MOGAT3: variants seen among roughly 807,000 people sequenced by gnomAD.
MOGAT3 encodes monoacylglycerol O-acyltransferase 3, also known as 2-acylglycerol O-acyltransferase 3.
Under a neutral mutation model 34.4 loss-of-function variants are expected in MOGAT3, and 39 were observed. The ratio of observed to expected loss-of-function variants is 1.13; its 90% CI spans 0.88 to 1.48. The LOEUF is 1.48. MOGAT3 is among the 40% of genes most tolerant of loss of function. The pLI is 0.00. For missense variants in MOGAT3, 439 were observed against 438.9 expected, an observed-to-expected ratio of 1.00 and a Z score of 0.00; for synonymous variants, 209 against 179.2, an observed-to-expected ratio of 1.17 and a Z score of -1.33.
chr7:101,193,317 G>A (rs1326482321), downstream of MOGAT3, among the ~76,000 whole-genome samples: 1 of 152,170 alleles, frequency 6.6e-6, no homozygotes, highest in African/African-American at 2.4e-5. Context: ...TGACTGGTTG[G>A]ATGCTCCCAC....
Position 101,198,202 on chromosome 7 carries a change from C to A in MOGAT3, c.657G>T (p.Ala219=), listed in dbSNP as rs768927292. The change falls in exon 5 of 7, where the codon GCG becomes GCT. Residue 219 remains alanine (A), a synonymous_variant. Coordinates refer to ENST00000223114, the MANE Select transcript of MOGAT3 (RefSeq NM_178176.4). ...GCACGCGCACTCACCCGTGCCTCAG[C>A]GCCAGGCGCACGAAGCCTTTGCGCT... The part of the protein sequence containing the change: ...LQKRKGFVRL[A]LRHGASLVPV... The A allele has an allele frequency of 2.9e-5, 46 of 1,612,512 alleles. No homozygotes were observed. In the South Asian group the frequency reaches 4.7e-4, roughly 17 times the overall value.
rs753286081 is a variant in MOGAT3, at chr7:101,196,222, C to A, written c.836G>T (p.Gly279Val). 2.5e-6 allele frequency: 4 copies of A among 1,587,250 alleles called. No homozygotes were observed. The highest frequency in any genetic ancestry group is 2.3e-5 in the East Asian group (1 of 43,746). The change falls in exon 6 of 7, where the codon GGC (glycine) becomes GTC (valine). Residue 279 changes from glycine to valine, a missense_variant. Coordinates refer to ENST00000223114, the MANE Select transcript of MOGAT3 (RefSeq NM_178176.4). Reference sequence around the variant, plus strand: ...GATGGGCACAGCAAAGGGCAGCAGGCCCCAGGAGGTGGCTGAGAAGAGACC... The same window carrying A: ...GATGGGCACAGCAAAGGGCAGCAGGACCCAGGAGGTGGCTGAGAAGAGACC... ...GRGLFSATSW[G>V]LLPFAVPITT...
chr7:101,193,438 T>C (rs1440785240), downstream of MOGAT3, among the ~76,000 whole-genome samples: 2 of 151,990 alleles, frequency 1.3e-5, no homozygotes, highest in Non-Finnish European at 2.9e-5. Flanking sequence ...TTTTTATTTG[T>C]TTTTATTTTT....
Position 101,198,217 on chromosome 7 carries a change from GC to G in MOGAT3, c.641del (p.Gly214AlafsTer7). The G allele has an allele frequency of 1.9e-6, 3 of 1,613,242 alleles. No homozygotes were observed. Among genetic ancestry groups the G allele is most frequent in the Non-Finnish European group, 2.5e-6 (3 of 1,179,586 alleles). ...CGTGCCTCAGCGCCAGGCGCACGAA[GC>G]CTTTGCGCTTCTGGAGCGTAAGGCA... The part of the protein sequence containing the change: ...EHCLTLQKRK[G>X]FVRLALRHGA... On this transcript the variant is annotated frameshift_variant, in exon 5 of 7. Transcript: ENST00000223114. LOFTEE classifies it high-confidence loss of function.
At chr7:101,196,811 G>T (rs1797803729) in intron 5 of MOGAT3, among the ~76,000 whole-genome samples, 1 of 152,188 alleles carries the variant, frequency 6.6e-6, no homozygotes, top group Non-Finnish European at 1.5e-5. Context: ...AGAGGTTGCA[G>T]TGAGCTAAGA....
chr7:101,197,048 A>G (rs34315497), intron 5 of MOGAT3, among the ~76,000 whole-genome samples: 16,613 of 151,938 alleles, frequency 0.11, 1,037 homozygotes, highest in South Asian at 0.16. Context: ...CTGTAGTCCC[A>G]GGTACTTCAG....
At position 101,200,893 on chromosome 7, in the gene MOGAT3, G is replaced by A. The variant is rs371421116; in HGVS notation, c.-39C>T. ...CTCTTCCAGCAGGATCCCAGAACCC[G>A]GAGGACAAACGATGAAGGCTTGGAT... On this transcript the variant is annotated 5_prime_UTR_variant, in exon 1 of 7. Coordinates refer to ENST00000223114, the MANE Select transcript of MOGAT3 (RefSeq NM_178176.4). The A allele has an allele frequency of 1.1e-5, 17 of 1,541,296 alleles. No homozygotes were observed. Among genetic ancestry groups the A allele is most frequent in the Admixed American group, 3.7e-5 (2 of 54,724 alleles).
intron 3 of MOGAT3, among the ~76,000 whole-genome samples, chr7:101,200,004 A>G (rs1454968548): frequency 6.6e-6 from 1 of 151,724 alleles, no homozygotes; most frequent in East Asian, 2.0e-4. Flanking sequence ...GAGGCATGAG[A>G]ATAGCTTGAA....
At chr7:101,193,090 T>TAAATA (rs1169459400), downstream of MOGAT3, among the ~76,000 whole-genome samples, 1 of 110,628 alleles carries the variant, frequency 9.0e-6, no homozygotes, top group Non-Finnish European at 1.7e-5. Context: ...AAAACATAAA[T>TAAATA]AAATAAATAA....
In MOGAT3 at chr7:101,200,911, G is replaced by T. The variant is rs1376358773; in HGVS notation, c.-57C>A. 5.6e-6 allele frequency: 8 copies of T among 1,430,388 alleles called. No homozygotes were observed. Among genetic ancestry groups the T allele is most frequent in the Non-Finnish European group, 7.7e-6 (8 of 1,034,702 alleles). 88.6% of individuals were successfully genotyped at this position (1,430,388 alleles called of 1,614,324 possible). A position where few individuals can be genotyped will look rare whatever the true frequency, so the allele number is the denominator to read the frequency against. ...AGAACCCGGAGGACAAACGATGAAGGCTTGGATGTGGACCTGGGCAGACTT... is the reference window on the plus strand; with the variant it reads ...AGAACCCGGAGGACAAACGATGAAGTCTTGGATGTGGACCTGGGCAGACTT... On this transcript the variant is annotated 5_prime_UTR_variant, in exon 1 of 7. Coordinates refer to ENST00000223114, the MANE Select transcript of MOGAT3 (RefSeq NM_178176.4).
At chr7:101,198,855 G>A (rs760186389) in intron 3 of MOGAT3, 25 bp from the exon 4 acceptor site, 1 of 1,610,020 alleles carries the variant, frequency 6.2e-7, no homozygotes, top group African/African-American at 1.3e-5. Context: ...GCAGGATGAA[G>A]GGAGGATGGA....
intron 3 of MOGAT3, among the ~76,000 whole-genome samples, chr7:101,199,361 G>A (rs1797890506): frequency 1.3e-5 from 2 of 151,550 alleles, no homozygotes; most frequent in African/African-American, 4.9e-5. Flanking sequence ...TGCCTAGGCT[G>A]GAGTGCAATG....
rs1057162013 is a variant in MOGAT3 at position 101,195,506 on chromosome 7, C to A, written c.*440G>T. On this transcript the variant is annotated 3_prime_UTR_variant, in exon 7 of 7. Transcript: ENST00000223114. ...TTGGGATTATGGGCATGAGCCACCA[C>A]GCCCAGCCTACTACAGCTTTAACAG... 6.3e-6 allele frequency: 1 copy of A among 158,296 alleles called. No individual in the cohort carries two copies. Among genetic ancestry groups the A allele is most frequent in the Non-Finnish European group, 1.4e-5 (1 of 73,370 alleles). 9.8% of individuals were successfully genotyped at this position (158,296 alleles called of 1,614,324 possible). A position where few individuals can be genotyped will look rare whatever the true frequency, so the allele number is the denominator to read the frequency against.
At chr7:101,196,413 G>C in intron 5 of MOGAT3, 24 bp from the exon 6 acceptor site, 1 of 1,575,574 alleles carries the variant, frequency 6.3e-7, no homozygotes, top group Non-Finnish European at 8.6e-7. Context: ...AGAGAGAAGA[G>C]GGGGCTCAGG....
rs775152230 is a variant in MOGAT3 at position 101,198,694 on chromosome 7, C to T, written c.425G>A (p.Arg142Gln). ...NGFSQLFPGL[R>Q]PWLAVLAGLF... ...GCCAGCCAGCACGGCTAACCAGGGC[C>T]GGAGCCCCGGGAAGAGCTGGGAGAA... Residue 142 changes from arginine (R) to glutamine (Q), a missense_variant, in exon 4 of 7, where the codon CGG becomes CAG. Arg to Gln is a conservative substitution (Grantham distance 43). Transcript: ENST00000223114. 4.3e-6 allele frequency: 7 copies of T among 1,612,890 alleles called. No homozygotes were observed. The highest frequency in any genetic ancestry group is 4.5e-5 in the East Asian group (2 of 44,804).
At position 101,200,920 on chromosome 7, in the gene MOGAT3, T is replaced by C. The variant is rs1292713733; in HGVS notation, c.-66A>G. 7.3e-7 allele frequency: 1 copy of C among 1,364,826 alleles called. No individual in the cohort carries two copies. Among genetic ancestry groups the C allele is most frequent in the African/African-American group, 1.4e-5 (1 of 70,016 alleles). 84.5% of individuals were successfully genotyped at this position (1,364,826 alleles called of 1,614,324 possible). A position where few individuals can be genotyped will look rare whatever the true frequency, so the allele number is the denominator to read the frequency against. ...AGGACAAACGATGAAGGCTTGGATG[T>C]GGACCTGGGCAGACTTTCTCCCTAC... On this transcript the variant is annotated 5_prime_UTR_variant, in exon 1 of 7. Transcript: ENST00000223114.
chr7:101,199,006 T>G (rs1352045824), intron 3 of MOGAT3, among the ~76,000 whole-genome samples, 176 bp from the exon 4 acceptor site: 1 of 149,288 alleles, frequency 6.7e-6, no homozygotes, highest in Non-Finnish European at 1.5e-5. Flanking sequence ...CCAGGTTTTT[T>G]TTTTTTTTTT....
At position 101,200,430 on chromosome 7, in the gene MOGAT3, C is replaced by T; in HGVS notation, c.195G>A (p.Val65=). The T allele has an allele frequency of 6.2e-7, 1 of 1,612,528 alleles. No homozygotes were observed. Among genetic ancestry groups the T allele is most frequent in the Middle Eastern group, 1.6e-4 (1 of 6,062 alleles). Residue 65 remains valine (V), a synonymous_variant, in exon 2 of 7, where the codon GTG becomes GTA. Coordinates refer to ENST00000223114, the MANE Select transcript of MOGAT3 (RefSeq NM_178176.4). ...CACCTTGGTTGGGTGTGTCCCAGTC[C>T]ACATAGAGCCACACCAAGTAAAAAA... ...FSVFYLVWLY[V]DWDTPNQGGR...
chr7:101,200,644 T>A, intron 1 of MOGAT3, 102 bp downstream of exon 1: 1 of 1,282,642 alleles, frequency 7.8e-7, no homozygotes, highest in Non-Finnish European at 1.1e-6. Context: ...ACCAGTCACC[T>A]GGTCACTGTC....
Sources: gnomAD v4.1 joint callset for allele counts (sites outside exome capture counted in the v4.1 genomes callset) on GRCh38, gnomAD v4.1.1 for gene constraint, MANE v1.5 for transcripts, NCBI Gene and HGNC (gene_info 2026-07-23, HGNC 2026-07-21) for gene names.